CBX3: variants seen among roughly 807,000 people sequenced by gnomAD.
The protein encoded by CBX3 is chromobox protein homolog 3.
In CBX3, 5 loss-of-function variants were observed where a neutral mutation model predicts 22.6. That is an observed-to-expected ratio of 0.22 (90% CI 0.12 to 0.47). The LOEUF is 0.47. Among genes scored for constraint, CBX3 ranks in the 20% least tolerant of loss-of-function variants. The probability of loss-of-function intolerance (pLI) is 0.99; values close to 1 mark genes in which losing one functional copy is unlikely to be tolerated. For synonymous variants in CBX3, 50 were observed against 66.6 expected (o/e 0.75, Z 1.21); for missense variants, 83 against 208.1 (o/e 0.40, Z 3.70).
In CBX3 at chr7:26,201,796, C is replaced by G. The variant is rs1784465487; in HGVS notation, c.-59C>G. On this transcript the variant is annotated 5_prime_UTR_variant, in exon 1 of 6. Transcript: ENST00000396386. The stretch of plus-strand genomic sequence containing the variant: ...GCGGAGGGCCGGAGACGCTGCAGAC[C>G]CGCGACCCGGAGCAGCTCGGAGGCG... 1 of 240,598 alleles carries G rather than the reference C, an allele frequency of 4.2e-6. No homozygotes were observed. The highest frequency in any genetic ancestry group is 8.4e-6 in the Non-Finnish European group (1 of 118,762). The allele number at this position is 240,598 out of a possible 1,614,324, so 14.9% of individuals were successfully genotyped here.
At chr7:26,206,085 C>A in intron 2 of CBX3, 1 of 293,220 alleles carries the variant, frequency 3.4e-6, no homozygotes, top group Non-Finnish European at 6.4e-6. Context: ...AGTGTGAGAC[C>A]CTGTCTCAAA....
At position 26,202,776 on chromosome 7, in the gene CBX3, C is replaced by G. The variant is rs2288561; in HGVS notation, c.-28-195C>G. On this transcript the variant is annotated intron_variant, in intron 1 of 5. Coordinates refer to ENST00000396386, the MANE Select transcript of CBX3 (RefSeq NM_016587.4). ...TACCAGGATCCCCAGTAAAGTCTTTCTAGACTCACATGGTTAGGACACGTA... is the reference window on the plus strand; with the variant it reads ...TACCAGGATCCCCAGTAAAGTCTTTGTAGACTCACATGGTTAGGACACGTA... 1.4e-3 allele frequency: 756 copies of G among 550,078 alleles called. 12 individuals are homozygous for G. The East Asian group carries it at 0.02, about 15-fold the overall frequency. The allele number at this position is 550,078 out of a possible 1,614,324, so 34.1% of individuals were successfully genotyped here. A position where few individuals can be genotyped will look rare whatever the true frequency, so the allele number is the denominator to read the frequency against.
intron 4 of CBX3, among the ~76,000 whole-genome samples, chr7:26,211,158 C>T (rs996977735): frequency 1.3e-5 from 2 of 151,594 alleles, no homozygotes; most frequent in African/African-American, 4.9e-5. Context: ...CCTCCAAAGC[C>T]ATCCTGGGCC....
intron 2 of CBX3, among the ~76,000 whole-genome samples, chr7:26,205,222 C>G (rs985524424): frequency 1.3e-5 from 2 of 152,078 alleles, no homozygotes; most frequent in Admixed American, 1.3e-4. Flanking sequence ...TTTTAGTCCT[C>G]TCATAGGAAA....
At chr7:26,211,945 A>G in intron 5 of CBX3, 137 bp from the exon 6 acceptor site, 2 of 895,098 alleles carry the variant, frequency 2.2e-6, no homozygotes, top group Middle Eastern at 2.4e-4. Context: ...AGTTTATTAG[A>G]ACATAGCAAC....
chr7:26,203,686 T>TTA (rs1277043606), intron 2 of CBX3, among the ~76,000 whole-genome samples: 1 of 152,176 alleles, frequency 6.6e-6, no homozygotes, highest in Non-Finnish European at 1.5e-5. Context: ...AATCATGAAA[T>TTA]TCAAAGTTAC....
chr7:26,208,896 G>C (rs1026560474), intron 4 of CBX3, among the ~76,000 whole-genome samples: 2 of 136,492 alleles, frequency 1.5e-5, no homozygotes, highest in African/African-American at 5.6e-5. Flanking sequence ...GGGATTGTAG[G>C]CATGAGCCAC....
Position 26,212,100 on chromosome 7 carries a change from A to C in CBX3, c.444A>C (p.Ala148=), listed in dbSNP as rs747704314. The C allele has an allele frequency of 2.5e-6, 4 of 1,583,204 alleles. No homozygotes were observed. The East Asian group carries it at 6.8e-5, about 27-fold the overall frequency. The stretch of plus-strand genomic sequence containing the variant: ...AAAACAGGAAAGATTCAGATGAGGC[A>C]GACTTGGTGCTGGCGAAAGAGGCAA... ...FLMKWKDSDE[A]DLVLAKEANM... Residue 148 remains alanine (A), a synonymous_variant, in exon 6 of 6, where the codon GCA becomes GCC. Transcript: ENST00000396386.
At position 26,206,439 on chromosome 7, in the gene CBX3, G is replaced by A. The variant is rs776648455; in HGVS notation, c.96G>A (p.Val32=). The A allele has an allele frequency of 3.6e-5, 58 of 1,613,784 alleles. No individual in the cohort carries two copies. Among genetic ancestry groups the A allele is most frequent in the Non-Finnish European group, 4.8e-5 (57 of 1,179,874 alleles). Residue 32 remains valine, a synonymous_variant, in exon 3 of 6, where the codon GTG becomes GTA. Transcript: ENST00000396386. ...AGGCAGAGCCTGAAGAATTTGTCGT[G>A]GAAAAAGTACTAGATCGACGTGTAG... is the stretch of plus-strand genomic sequence containing the variant. ...VEEAEPEEFV[V]EKVLDRRVVN...
intron 4 of CBX3, among the ~76,000 whole-genome samples, chr7:26,208,917 CTTTTTT>C (rs59657982): frequency 7.2e-5 from 2 of 27,938 alleles, no homozygotes; most frequent in Admixed American, 6.7e-4. Context: ...CACGCCTGGC[CTTTTTT>C]TTTTTTTTTT....
Position 26,211,654 on chromosome 7 carries a change from C to T in CBX3, c.331-8C>T. On this transcript the variant is annotated splice_region_variant and splice_polypyrimidine_tract_variant and intron_variant, in intron 4 of 5. Coordinates refer to ENST00000396386, the MANE Select transcript of CBX3 (RefSeq NM_016587.4). ...AGTTTGCTGTATGAAAAAATGTCTTCTAAACAGGCTGACAAACCAAGAGGA... is the reference window on the plus strand; with the variant it reads ...AGTTTGCTGTATGAAAAAATGTCTTTTAAACAGGCTGACAAACCAAGAGGA... 6.3e-7 allele frequency: 1 copy of T among 1,580,928 alleles called. No homozygotes were observed. The highest frequency in any genetic ancestry group is 8.6e-7 in the Non-Finnish European group (1 of 1,158,698).
chr7:26,207,775 C>T (rs990755418), intron 3 of CBX3, among the ~76,000 whole-genome samples: 1 of 151,988 alleles, frequency 6.6e-6, no homozygotes, highest in South Asian at 2.1e-4. Context: ...GCCTTGGCCT[C>T]CCAAAGTGCT....
In CBX3 at chr7:26,202,993, TA is replaced by T; in HGVS notation, c.1del. On this transcript the variant is annotated 5_prime_UTR_variant, in exon 2 of 6. Coordinates refer to ENST00000396386, the MANE Select transcript of CBX3 (RefSeq NM_016587.4). Reference sequence around the variant, plus strand: ...TAGTAATAGCTCTTCAAGTCTGCAATAAAAAATGGCCTCCAACAAAACTACA... The same window carrying T: ...TAGTAATAGCTCTTCAAGTCTGCAATAAAAATGGCCTCCAACAAAACTACA... 2 of 1,607,976 alleles carry T rather than the reference TA, an allele frequency of 1.2e-6. No homozygotes were observed. The highest frequency in any genetic ancestry group is 8.5e-7 in the Non-Finnish European group (1 of 1,174,916).
intron 3 of CBX3, among the ~76,000 whole-genome samples, chr7:26,207,380 C>G (rs939370618): frequency 6.6e-6 from 1 of 152,176 alleles, no homozygotes; most frequent in African/African-American, 2.4e-5. Flanking sequence ...TTATTAAGCC[C>G]ATGAAACATG....
chr7:26,202,695 C>G (rs1784570404), intron 1 of CBX3: 2 of 393,686 alleles, frequency 5.1e-6, no homozygotes, highest in Non-Finnish European at 9.1e-6. Flanking sequence ...ATAAATGGGA[C>G]TTAGATTGGA....
chr7:26,201,714 G>A (rs1440448503), upstream of CBX3: 3 of 106,148 alleles, frequency 2.8e-5, no homozygotes, highest in Non-Finnish European at 6.0e-5. Context: ...TCCCCCCGGC[G>A]GCCCCGCGCG....
intron 2 of CBX3, among the ~76,000 whole-genome samples, chr7:26,205,710 C>G (rs950597518): frequency 6.6e-6 from 1 of 152,182 alleles, no homozygotes; most frequent in Non-Finnish European, 1.5e-5. Flanking sequence ...ACTTGCTTCT[C>G]TGTATCACCC....
intron 2 of CBX3, 23 bp downstream of exon 2, chr7:26,203,045 T>C (rs1322326193): frequency 1.4e-6 from 2 of 1,479,572 alleles, no homozygotes; most frequent in Admixed American, 2.0e-5. Context: ...AAACCTAAAA[T>C]ATGTAAGGAT....
intron 3 of CBX3, among the ~76,000 whole-genome samples, chr7:26,207,874 C>T (rs1385682563): frequency 6.6e-6 from 1 of 151,574 alleles, no homozygotes; most frequent in Non-Finnish European, 1.5e-5. Context: ...TGTCCTCTAC[C>T]CAGTAATTTG....
Sources: gnomAD v4.1 joint callset for allele counts (sites outside exome capture counted in the v4.1 genomes callset) on GRCh38, gnomAD v4.1.1 for gene constraint, MANE v1.5 for transcripts, NCBI Gene and HGNC (gene_info 2026-07-23, HGNC 2026-07-21) for gene names.